EIF4G3: variants seen among roughly 807,000 people sequenced by gnomAD.
EIF4G3 encodes the protein eukaryotic translation initiation factor 4 gamma 3, also known as eIF-4-gamma 3.
EIF4G3 carries 34 observed loss-of-function variants against 186.4 expected under a neutral mutation model. That is an observed-to-expected ratio of 0.18 (90% CI 0.14 to 0.24). The LOEUF (loss-of-function observed/expected upper bound fraction) is 0.24, where lower values mean the gene tolerates loss of function less well. Among genes scored for constraint, EIF4G3 ranks in the 10% least tolerant of loss-of-function variants. The pLI is 1.00. For missense variants in EIF4G3, 1,536 were observed against 1,948.5 expected (o/e 0.79, Z 3.99); for synonymous variants, 673 against 679.5 (o/e 0.99, Z 0.15).
intron 19 of EIF4G3, among the ~76,000 whole-genome samples, chr1:20,883,690 A>G (rs1473947636): frequency 6.6e-6 from 1 of 152,094 alleles, no homozygotes; most frequent in Non-Finnish European, 1.5e-5. Flanking sequence ...AGCTAGGTAA[A>G]GGGAAGAAAA....
Position 21,058,586 on chromosome 1 carries a change from G to A in EIF4G3, c.-195-7592C>T, listed in dbSNP as rs71647183. On this transcript the variant is annotated intron_variant, in intron 3 of 36. Transcript: ENST00000602326. ...GTGTTGCCCAGGCTGGGGTGCATTG[G>A]TGTGATCACAGCTCATTGCAGCCTC... is the stretch of plus-strand genomic sequence containing the variant. 3.0e-3 allele frequency among the ~76,000 whole-genome samples: 450 copies of A among 150,458 alleles called. 1 individual carries two copies. Among genetic ancestry groups the A allele is most frequent in the Non-Finnish European group, 4.9e-3 (334 of 67,644 alleles).
rs5772939 is a variant in EIF4G3 at position 21,113,146 on chromosome 1, C to CA, written c.-271-23934dup. Among the ~76,000 whole-genome samples, 356 of 51,468 alleles carry CA rather than the reference C, an allele frequency of 6.9e-3. 25 individuals are homozygous for CA. The highest frequency in any genetic ancestry group is 8.5e-3 in the South Asian group (6 of 710). 33.8% of individuals were successfully genotyped at this position (51,468 alleles called of 152,430 possible). ...GGCCTGGCTGATAGAGGCCCTATCTCAAAAAAAAAAAAAAAAAAAAAAAAA... is the reference window on the plus strand; with the variant it reads ...GGCCTGGCTGATAGAGGCCCTATCTCAAAAAAAAAAAAAAAAAAAAAAAAAA... On this transcript the variant is annotated intron_variant, in intron 2 of 36. Transcript: ENST00000602326.
At position 20,968,175 on chromosome 1, in the gene EIF4G3, C is replaced by CTT. The variant is rs34957284; in HGVS notation, c.714+1297_714+1298dup. ...GACATAGGAGGAATGAAATACAAAT[C>CTT]TTTTTTTTTTTTTTTTAAGACAGAG... On this transcript the variant is annotated intron_variant, in intron 12 of 36. Transcript: ENST00000602326. Among the ~76,000 whole-genome samples, 117 of 140,908 alleles carry CTT rather than the reference C, an allele frequency of 8.3e-4. 1 individual carries two copies. The highest frequency in any genetic ancestry group is 2.8e-3 in the African/African-American group (106 of 38,486). 92.4% of individuals were successfully genotyped at this position (140,908 alleles called of 152,430 possible).
At chr1:21,085,654 C>A (rs1338527061) in intron 3 of EIF4G3, among the ~76,000 whole-genome samples, 2 of 152,126 alleles carry the variant, frequency 1.3e-5, no homozygotes, top group Non-Finnish European at 2.9e-5. Flanking sequence ...GCCTTGGCCT[C>A]CCCAAGTGCT....
chr1:20,875,094 T>C lies in EIF4G3; in HGVS notation c.2622+4229A>G, dbSNP rs539626331. ...CCTGGACTCAAGGGATCCTCCCACC[T>C]GAGCCTCCCTAGTAGCTGGGACTAC... On this transcript the variant is annotated intron_variant, in intron 20 of 36. Coordinates refer to ENST00000602326, the MANE Select transcript of EIF4G3 (RefSeq NM_001391906.1). Among the ~76,000 whole-genome samples, 3 of 147,726 alleles carry C rather than the reference T, an allele frequency of 2.0e-5. No individual in the cohort carries two copies. In the East Asian group the frequency reaches 6.1e-4, roughly 30 times the overall value.
At chr1:21,027,501 G>A (rs900906742) in intron 4 of EIF4G3, among the ~76,000 whole-genome samples, 4 of 151,862 alleles carry the variant, frequency 2.6e-5, no homozygotes, top group South Asian at 2.1e-4. Flanking sequence ...ATGGTGGCAC[G>A]GGCCTGTAGT....
intron 4 of EIF4G3, among the ~76,000 whole-genome samples, chr1:21,009,658 TG>T (rs996264837): frequency 1.5e-5 from 1 of 67,516 alleles, no homozygotes; most frequent in African/African-American, 5.8e-5. Flanking sequence ...TGGGGGGTGC[TG>T]GGGGGGTAGT....
intron 14 of EIF4G3, 38 bp downstream of exon 14, chr1:20,941,453 T>A (rs749805119): frequency 2.1e-5 from 34 of 1,606,692 alleles, no homozygotes; most frequent in Non-Finnish European, 2.8e-5. Context: ...CTCTTCTTCA[T>A]GTTCAGCAAG....
At chr1:21,074,943 G>GT (rs2095542195) in intron 3 of EIF4G3, among the ~76,000 whole-genome samples, 1 of 152,032 alleles carries the variant, frequency 6.6e-6, no homozygotes, top group African/African-American at 2.4e-5. Context: ...GGTGGTTACC[G>GT]TAAGTGAAAA....
Position 21,176,550 on chromosome 1 carries a change from C to T in EIF4G3, c.-456+172G>A, listed in dbSNP as rs1169361720. Among the ~76,000 whole-genome samples, 237 of 140,554 alleles carry T rather than the reference C, an allele frequency of 1.7e-3. 2 individuals are homozygous for T. The highest frequency in any genetic ancestry group is 5.8e-3 in the African/African-American group (223 of 38,712). 92.2% of individuals were successfully genotyped at this position (140,554 alleles called of 152,430 possible). A position where few individuals can be genotyped will look rare whatever the true frequency, so the allele number is the denominator to read the frequency against. On this transcript the variant is annotated intron_variant, in intron 1 of 36. Transcript: ENST00000602326. ...GGGGAGGAGGAGGAGGGGGCCGGGG[C>T]CGGTCACACACGCCCGACGCCGCCG...
chr1:20,910,157 A>C (rs1558190571), intron 14 of EIF4G3, among the ~76,000 whole-genome samples: 1 of 152,228 alleles, frequency 6.6e-6, no homozygotes, highest in Non-Finnish European at 1.5e-5. Flanking sequence ...ATTTGAAAGC[A>C]ATCAATTAAT....
chr1:20,849,026 A>G, intron 29 of EIF4G3, among the ~76,000 whole-genome samples: 1 of 144,362 alleles, frequency 6.9e-6, no homozygotes, highest in African/African-American at 2.6e-5. Context: ...CAGCCTGGGC[A>G]ACACAGCAAG....
At chr1:20,898,058 C>A (rs1449223082) in intron 16 of EIF4G3, among the ~76,000 whole-genome samples, 2 of 151,998 alleles carry the variant, frequency 1.3e-5, no homozygotes, top group African/African-American at 2.4e-5. Flanking sequence ...AGATCTTTTT[C>A]TTTATTTTTG....
chr1:20,931,700 G>A (rs2095318076), intron 14 of EIF4G3, among the ~76,000 whole-genome samples: 1 of 152,158 alleles, frequency 6.6e-6, no homozygotes, highest in Non-Finnish European at 1.5e-5. Context: ...GCCAAGGTGG[G>A]CAGATCATGC....
At chr1:20,995,713 T>G (rs562566040) in intron 7 of EIF4G3, among the ~76,000 whole-genome samples, 15 of 152,296 alleles carry the variant, frequency 9.8e-5, no homozygotes, top group Admixed American at 5.9e-4. Context: ...CACTCATCAT[T>G]CCATCAATCT....
At chr1:20,843,286 C>T (rs540193715) in intron 29 of EIF4G3, among the ~76,000 whole-genome samples, 23 of 152,078 alleles carry the variant, frequency 1.5e-4, no homozygotes, top group South Asian at 2.1e-4. Context: ...GAGGCCAAGG[C>T]GGGCAGATCA....
chr1:21,066,231 C>T (rs1173294803), intron 3 of EIF4G3, among the ~76,000 whole-genome samples: 1 of 146,746 alleles, frequency 6.8e-6, no homozygotes, highest in African/African-American at 2.5e-5. Context: ...AGAGTTATGG[C>T]GGGAGGGGGA....
chr1:20,949,107 A>G (rs1446448096), intron 13 of EIF4G3, among the ~76,000 whole-genome samples: 2 of 152,146 alleles, frequency 1.3e-5, no homozygotes, highest in Non-Finnish European at 2.9e-5. Context: ...ATTGATATCC[A>G]ATCATTTTTA....
intron 2 of EIF4G3, among the ~76,000 whole-genome samples, chr1:21,155,849 G>A (rs1296685234): frequency 6.6e-6 from 1 of 151,988 alleles, no homozygotes; most frequent in Non-Finnish European, 1.5e-5. Flanking sequence ...ACAAAAAGCC[G>A]GGTGCAGTGG....
Sources: gnomAD v4.1 joint callset for allele counts (sites outside exome capture counted in the v4.1 genomes callset) on GRCh38, gnomAD v4.1.1 for gene constraint, MANE v1.5 for transcripts, NCBI Gene and HGNC (gene_info 2026-07-23, HGNC 2026-07-21) for gene names.